The following RANBP17 variants were observed in gnomAD, a reference collection of about 807,000 sequenced individuals.
The protein encoded by RANBP17 is ran-binding protein 17.
A neutral mutation model predicts 141.2 loss-of-function variants in RANBP17; 158 were observed. That is an observed-to-expected ratio of 1.12 (90% CI 0.98 to 1.28). The LOEUF (loss-of-function observed/expected upper bound fraction) is 1.28. Among genes scored for constraint, RANBP17 ranks in the 50% most tolerant of loss-of-function variants. The pLI is 0.00. For missense variants in RANBP17, 1,438 were observed against 1,290.7 expected (o/e 1.11, Z -1.75); for synonymous variants, 430 against 450.0 (o/e 0.96, Z 0.56).
At chr5:171,293,343 ATGAG>A (rs1389409469) in intron 25 of RANBP17, among the ~76,000 whole-genome samples, 1 of 152,242 alleles carries the variant, frequency 6.6e-6, no homozygotes, top group Non-Finnish European at 1.5e-5. Context: ...GTAGGAATGA[ATGAG>A]TGAGTGAGGG....
chr5:170,982,742 TC>T (rs1449783865), intron 14 of RANBP17, among the ~76,000 whole-genome samples: 1 of 152,108 alleles, frequency 6.6e-6, no homozygotes, highest in African/African-American at 2.4e-5. Context: ...TATGCAGAGT[TC>T]CAGCAAAGTG....
chr5:171,293,936 G>A lies in RANBP17; in HGVS notation c.2997G>A (p.Trp999Ter), dbSNP rs2128045448. The change falls in exon 26 of 28, where the codon TGG becomes TGA. Residue 999 changes from tryptophan (W) to a stop codon, truncating the protein, a stop_gained. Coordinates refer to ENST00000523189, the MANE Select transcript of RANBP17 (RefSeq NM_022897.5). LOFTEE classifies it high-confidence loss of function. The part of the protein sequence containing the change: ...TIVFEDCRNQ[W>*]SVSRPLLGLI... The stretch of plus-strand genomic sequence containing the variant: ...TCTTTGAAGACTGTCGGAACCAGTG[G>A]TCAGTATCCAGGCCTCTCCTGGGGC... 1 of 1,613,970 alleles carries A rather than the reference G, an allele frequency of 6.2e-7. No homozygotes were observed. The highest frequency in any genetic ancestry group is 8.5e-7 in the Non-Finnish European group (1 of 1,179,892).
chr5:171,004,753 T>C (rs1824224), intron 14 of RANBP17, among the ~76,000 whole-genome samples: 138,164 of 152,154 alleles, frequency 0.91, 62,923 homozygotes, highest in African/African-American at 0.98. Context: ...TCGGACAGTC[T>C]GACCTCCAGC....
intron 14 of RANBP17, among the ~76,000 whole-genome samples, chr5:171,098,955 T>A (rs1054359818): frequency 1.3e-5 from 2 of 152,214 alleles, no homozygotes; most frequent in Non-Finnish European, 2.9e-5. Flanking sequence ...GGCTCTGTTC[T>A]GTTCCATTTG....
rs541150270 is a variant in RANBP17, at chr5:171,195,829, C to T, written c.2039-3841C>T. ...TGCTCACATGTAAAATGAAGAAAATCGTACAACTTCATGAGATTGTTCTGA... is the reference window on the plus strand; with the variant it reads ...TGCTCACATGTAAAATGAAGAAAATTGTACAACTTCATGAGATTGTTCTGA... On this transcript the variant is annotated intron_variant, in intron 18 of 27. Coordinates refer to ENST00000523189, the MANE Select transcript of RANBP17 (RefSeq NM_022897.5). Among the ~76,000 whole-genome samples the T allele has an allele frequency of 3.9e-5, 6 of 152,266 alleles. No homozygotes were observed. In the South Asian group the frequency reaches 1.2e-3, roughly 32 times the overall value.
In RANBP17 at chr5:171,053,885, A is replaced by G. The variant is rs1176768339; in HGVS notation, c.1710+85508A>G. Reference sequence around the variant, plus strand: ...TCCTGTCAGTGTTTAGTTCATATATATATATATATATATATATATATATAT... The same window carrying G: ...TCCTGTCAGTGTTTAGTTCATATATGTATATATATATATATATATATATAT... On this transcript the variant is annotated intron_variant, in intron 14 of 27. Coordinates refer to ENST00000523189, the MANE Select transcript of RANBP17 (RefSeq NM_022897.5). 3.7e-4 allele frequency among the ~76,000 whole-genome samples: 7 copies of G among 18,900 alleles called. No individual in the cohort carries two copies. In the East Asian group the frequency reaches 0.013, roughly 36 times the overall value. The allele number at this position is 18,900 out of a possible 152,430, so 12.4% of individuals were successfully genotyped here.
rs151208423 is a variant in RANBP17 at position 171,131,751 on chromosome 5, C to T, written c.1711-38379C>T. 1.9e-3 allele frequency among the ~76,000 whole-genome samples: 291 copies of T among 152,280 alleles called. 2 individuals are homozygous for T. The East Asian group carries it at 0.039, about 20-fold the overall frequency. ...TGGCATTAGCATGCTGACAGCTCAGCATTTAGAACATTATGGTAATTTATC... is the reference window on the plus strand; with the variant it reads ...TGGCATTAGCATGCTGACAGCTCAGTATTTAGAACATTATGGTAATTTATC... On this transcript the variant is annotated intron_variant, in intron 14 of 27. Transcript: ENST00000523189.
At chr5:170,907,156 AAGTT>A (rs1771132850) in intron 5 of RANBP17, among the ~76,000 whole-genome samples, 1 of 151,866 alleles carries the variant, frequency 6.6e-6, no homozygotes, top group Non-Finnish European at 1.5e-5. Context: ...GTTTTCCTAA[AAGTT>A]AGGAGGATTA....
rs555868397 is a variant in RANBP17 at position 171,276,072 on chromosome 5, C to T, written c.2943+10225C>T. On this transcript the variant is annotated intron_variant, in intron 25 of 27. Transcript: ENST00000523189. ...AAGATTTTGCGTCCAAACACAGCAG[C>T]CATAATTTCTGTACAGCTGGCACCT... is the stretch of plus-strand genomic sequence containing the variant. 3.3e-5 allele frequency among the ~76,000 whole-genome samples: 5 copies of T among 152,254 alleles called. No individual in the cohort carries two copies. In the East Asian group the frequency reaches 9.6e-4, roughly 29 times the overall value.
intron 14 of RANBP17, among the ~76,000 whole-genome samples, chr5:171,069,399 C>T (rs903919475): frequency 3.9e-5 from 6 of 152,166 alleles, no homozygotes; most frequent in African/African-American, 1.4e-4. Flanking sequence ...CACCTGGATG[C>T]CACAAGTCTT....
intron 18 of RANBP17, among the ~76,000 whole-genome samples, chr5:171,190,278 A>G (rs866258956): frequency 5.1e-4 from 77 of 152,166 alleles, no homozygotes; most frequent in African/African-American, 1.7e-3. Context: ...ATTTAATTAG[A>G]TGCTATGTGC....
At chr5:171,118,433 G>A (rs1396549513) in intron 14 of RANBP17, among the ~76,000 whole-genome samples, 1 of 151,956 alleles carries the variant, frequency 6.6e-6, no homozygotes, top group Non-Finnish European at 1.5e-5. Flanking sequence ...TTTCTGTGAA[G>A]AATGTCATTG....
At chr5:171,162,123 A>G (rs994845254) in intron 14 of RANBP17, among the ~76,000 whole-genome samples, 6 of 152,226 alleles carry the variant, frequency 3.9e-5, no homozygotes, top group Admixed American at 3.9e-4. Context: ...TGCCATAGCC[A>G]TAGTTAGCTT....
intron 12 of RANBP17, among the ~76,000 whole-genome samples, chr5:170,943,810 G>A (rs1054959029): frequency 3.9e-5 from 6 of 152,182 alleles, no homozygotes; most frequent in South Asian, 4.1e-4. Flanking sequence ...AATACGTAGC[G>A]AAATGACTAC....
intron 14 of RANBP17, among the ~76,000 whole-genome samples, chr5:171,078,222 T>C (rs1785060457): frequency 6.6e-6 from 1 of 150,508 alleles, no homozygotes; most frequent in East Asian, 2.0e-4. Context: ...AACCTCTGCC[T>C]CCTGGGTTCA....
intron 14 of RANBP17, among the ~76,000 whole-genome samples, chr5:171,055,731 A>C (rs1783298761): frequency 6.6e-6 from 1 of 151,942 alleles, no homozygotes; most frequent in South Asian, 2.1e-4. Context: ...GGAACCCTCT[A>C]TAGGGACAGT....
intron 14 of RANBP17, among the ~76,000 whole-genome samples, chr5:171,150,557 C>G (rs1012881649): frequency 2.0e-5 from 3 of 151,742 alleles, no homozygotes; most frequent in African/African-American, 7.3e-5. Flanking sequence ...CCTTTTTGCA[C>G]CAGATACTAT....
Position 171,277,637 on chromosome 5 carries a change from G to GTATGTATATGTA in RANBP17, c.2943+11793_2943+11794insGTATATGTATAT, listed in dbSNP as rs1554127913. ...GTGCCTTACGTATACATATATGTAT[G>GTATGTATATGTA]TATATATATATATATATATATATAT... On this transcript the variant is annotated intron_variant, in intron 25 of 27. Coordinates refer to ENST00000523189, the MANE Select transcript of RANBP17 (RefSeq NM_022897.5). 1.2e-3 allele frequency among the ~76,000 whole-genome samples: 67 copies of GTATGTATATGTA among 56,922 alleles called. 1 individual carries two copies. Among genetic ancestry groups the GTATGTATATGTA allele is most frequent in the Non-Finnish European group, 1.8e-3 (54 of 29,702 alleles). The allele number at this position is 56,922 out of a possible 152,430, so 37.3% of individuals were successfully genotyped here.
chr5:171,159,289 C>A (rs1446782665), intron 14 of RANBP17, among the ~76,000 whole-genome samples: 1 of 152,094 alleles, frequency 6.6e-6, no homozygotes, highest in African/African-American at 2.4e-5. Flanking sequence ...ACTGATAATG[C>A]CAATATCATA....
Sources: gnomAD v4.1 joint callset for allele counts (sites outside exome capture counted in the v4.1 genomes callset) on GRCh38, gnomAD v4.1.1 for gene constraint, MANE v1.5 for transcripts, NCBI Gene and HGNC (gene_info 2026-07-23, HGNC 2026-07-21) for gene names.